Variants in EPB41L1 observed in about 807,000 individuals in gnomAD.
EPB41L1 encodes the protein erythrocyte membrane protein band 4.1 like 1, also known as band 4.1-like protein 1.
In EPB41L1, 29 loss-of-function variants were observed where a neutral mutation model predicts 97.8. The ratio of observed to expected loss-of-function variants is 0.30; its 90% CI spans 0.22 to 0.40. EPB41L1 has a LOEUF of 0.40. EPB41L1 is among the 10% of genes least tolerant of loss of function. EPB41L1 has a pLI of 1.00. For missense variants in EPB41L1, 812 were observed against 1,162.3 expected, an observed-to-expected ratio of 0.70 and a Z score of 4.38; for synonymous variants, 383 against 459.2, an observed-to-expected ratio of 0.83 and a Z score of 2.12.
chr20:36,187,876 CT>C, intron 8 of EPB41L1, 113 bp downstream of exon 8: 1 of 837,932 alleles, frequency 1.2e-6, no homozygotes, highest in African/African-American at 1.7e-5. Context: ...AACTTGAAAC[CT>C]TTTCTGTTCT....
intron 2 of EPB41L1, among the ~76,000 whole-genome samples, chr20:36,132,365 C>T (rs73097436): frequency 0.11 from 16,035 of 151,968 alleles, 1,147 homozygotes; most frequent in Non-Finnish European, 0.16. Flanking sequence ...CCTCTGCCTC[C>T]GTCATCATAT....
At chr20:36,203,680 T>C (rs538223433) in intron 14 of EPB41L1, among the ~76,000 whole-genome samples, 1 of 152,340 alleles carries the variant, frequency 6.6e-6, no homozygotes, top group East Asian at 1.9e-4. Context: ...CACGTCCCTT[T>C]GGGATGGTTC....
Position 36,206,038 on chromosome 20 carries a change from G to A in EPB41L1, c.1669-3450G>A. On this transcript the variant is annotated intron_variant, in intron 14 of 21. Transcript: ENST00000338074. The surrounding 1 kb of genome is among the most constrained non-coding windows in gnomAD (Gnocchi z 5.5). ...AGTGGAAGTGGCCACAGAAGAAATG[G>A]TGGGAAACAGAAGAGCAAACACCCA... 7.8e-7 allele frequency: 1 copy of A among 1,289,890 alleles called. No homozygotes were observed. Among genetic ancestry groups the A allele is most frequent in the African/African-American group, 1.5e-5 (1 of 66,006 alleles). 79.9% of individuals were successfully genotyped at this position (1,289,890 alleles called of 1,614,324 possible).
chr20:36,183,293 ATCT>A (rs1334897299), intron 6 of EPB41L1, among the ~76,000 whole-genome samples: 1 of 152,080 alleles, frequency 6.6e-6, no homozygotes, highest in Non-Finnish European at 1.5e-5. Flanking sequence ...TCCCTCCTTC[ATCT>A]TCATGTTGAT....
chr20:36,198,093 G>T (rs1344690894), intron 14 of EPB41L1, 52 bp downstream of exon 14: 1 of 1,531,070 alleles, frequency 6.5e-7, no homozygotes. Flanking sequence ...AGAGACATTG[G>T]GTTGCTGCAT....
chr20:36,218,979 A>G lies in EPB41L1; in HGVS notation c.2355+17A>G, dbSNP rs1569363298. The G allele has an allele frequency of 3.1e-6, 5 of 1,612,916 alleles. No individual in the cohort carries two copies. The highest frequency in any genetic ancestry group is 3.4e-6 in the Non-Finnish European group (4 of 1,179,254). ...CTTTCTCCGGTAAGTGGGCAAGGCC[A>G]GCTCAGGCTAGGGGACTCCACACTG... On this transcript the variant is annotated intron_variant, in intron 18 of 21. Coordinates refer to ENST00000338074, the MANE Select transcript of EPB41L1 (RefSeq NM_012156.2).
chr20:36,172,271 G>T (rs1374554291), intron 1 of EPB41L1, among the ~76,000 whole-genome samples: 1 of 152,098 alleles, frequency 6.6e-6, no homozygotes, highest in East Asian at 1.9e-4. Context: ...TAGAGACGGG[G>T]TTTCACCATG....
At position 36,207,691 on chromosome 20, in the gene EPB41L1, G is replaced by T; in HGVS notation, c.1669-1797G>T. On this transcript the variant is annotated intron_variant, in intron 14 of 21. Coordinates refer to ENST00000338074, the MANE Select transcript of EPB41L1 (RefSeq NM_012156.2). This position sits in a 1 kb window ranked among gnomAD's most constrained non-coding sequence, Gnocchi z 4.9. The stretch of plus-strand genomic sequence containing the variant: ...CAGACACTTCAGGGAGGACACTTCT[G>T]CATCCTACCAGGAAGCACACACGGA... The T allele has an allele frequency of 7.8e-7, 1 of 1,290,116 alleles. No individual in the cohort carries two copies. The highest frequency in any genetic ancestry group is 1.0e-6 in the Non-Finnish European group (1 of 988,928). 79.9% of individuals were successfully genotyped at this position (1,290,116 alleles called of 1,614,324 possible). A position where few individuals can be genotyped will look rare whatever the true frequency, so the allele number is the denominator to read the frequency against.
intron 2 of EPB41L1, among the ~76,000 whole-genome samples, chr20:36,130,280 A>G (rs1347522694): frequency 6.6e-6 from 1 of 150,788 alleles, no homozygotes; most frequent in African/African-American, 2.5e-5. Context: ...AAACCATAAT[A>G]ACATAGTACC....
Position 36,214,373 on chromosome 20 carries a change from C to T in EPB41L1, c.2201C>T (p.Ala734Val). 6.2e-7 allele frequency: 1 copy of T among 1,613,808 alleles called. No individual in the cohort carries two copies. Among genetic ancestry groups the T allele is most frequent in the Non-Finnish European group, 8.5e-7 (1 of 1,179,918 alleles). Residue 734 changes from alanine to valine, a missense_variant, in exon 17 of 22, where the codon GCC becomes GTC. Coordinates refer to ENST00000338074, the MANE Select transcript of EPB41L1 (RefSeq NM_012156.2). The stretch of plus-strand genomic sequence containing the variant: ...TCTGGTCAGCAGGTTGATGGGAGTG[C>T]CTCAGTGGGGAGGGAGTTCATAGCA... ...MDNTQQVDGS[A>V]SVGREFIATT...
chr20:36,155,510 C>A, intron 1 of EPB41L1: 1 of 442,214 alleles, frequency 2.3e-6, no homozygotes, highest in Middle Eastern at 4.3e-4. Context: ...GGCACCTTCA[C>A]ACTTGGGGAG....
At chr20:36,172,048 G>A (rs184285114) in intron 1 of EPB41L1, among the ~76,000 whole-genome samples, 23 of 152,084 alleles carry the variant, frequency 1.5e-4, no homozygotes, top group African/African-American at 3.6e-4. Flanking sequence ...CAACTTGTAC[G>A]TTTAAAAAAG....
chr20:36,180,305 C>A (rs1341583869), intron 5 of EPB41L1, among the ~76,000 whole-genome samples: 1 of 152,174 alleles, frequency 6.6e-6, no homozygotes, highest in South Asian at 2.1e-4. Flanking sequence ...CCCATTGGTC[C>A]TTGTGGCCTG....
At chr20:36,191,881 GA>G (rs1419442726) in intron 11 of EPB41L1, among the ~76,000 whole-genome samples, 1 of 152,160 alleles carries the variant, frequency 6.6e-6, no homozygotes, top group Non-Finnish European at 1.5e-5. Context: ...AGCACCTTAA[GA>G]AATTGTACCC....
chr20:36,154,868 C>T lies in EPB41L1; in HGVS notation c.-43C>T. On this transcript the variant is annotated 5_prime_UTR_variant, in exon 1 of 22. Coordinates refer to ENST00000338074, the MANE Select transcript of EPB41L1 (RefSeq NM_012156.2). The surrounding 1 kb of genome is among the most constrained non-coding windows in gnomAD (Gnocchi z 5.5). Reference sequence around the variant, plus strand: ...CCGAGGGGGCCGCCCCTCGCCCAACCTGCCCGACATGGGGAACCCCGGGCC... The same window carrying T: ...CCGAGGGGGCCGCCCCTCGCCCAACTTGCCCGACATGGGGAACCCCGGGCC... 9.8e-7 allele frequency: 1 copy of T among 1,018,108 alleles called. No individual in the cohort carries two copies. Among genetic ancestry groups the T allele is most frequent in the Non-Finnish European group, 1.2e-6 (1 of 849,778 alleles). The allele number at this position is 1,018,108 out of a possible 1,614,324, so 63.1% of individuals were successfully genotyped here.
chr20:36,111,197 G>A (rs895907861), intron 1 of EPB41L1, among the ~76,000 whole-genome samples: 2 of 152,182 alleles, frequency 1.3e-5, no homozygotes, highest in Non-Finnish European at 2.9e-5. Flanking sequence ...AGTAGTAAGT[G>A]TTAGAACCAG....
chr20:36,153,583 A>C (rs1032730949), upstream of EPB41L1, among the ~76,000 whole-genome samples: 2 of 152,202 alleles, frequency 1.3e-5, no homozygotes, highest in African/African-American at 4.8e-5. Flanking sequence ...ACCCATGGAC[A>C]GAAATCTTTG....
At position 36,195,212 on chromosome 20, in the gene EPB41L1, A is replaced by G. The variant is rs987941520; in HGVS notation, c.1450-117A>G. 3.9e-6 allele frequency: 5 copies of G among 1,277,034 alleles called. No individual in the cohort carries two copies. In the African/African-American group the frequency reaches 5.9e-5, roughly 15 times the overall value. The allele number at this position is 1,277,034 out of a possible 1,614,324, so 79.1% of individuals were successfully genotyped here. ...GGCCCACCCAGCTGCCCTGGCCTCC[A>G]CTTGGTCGAGTGTGCGTGCTCTGGG... On this transcript the variant is annotated intron_variant, in intron 12 of 21. Coordinates refer to ENST00000338074, the MANE Select transcript of EPB41L1 (RefSeq NM_012156.2). This position sits in a 1 kb window ranked among gnomAD's most constrained non-coding sequence, Gnocchi z 4.6.
chr20:36,136,096 T>A (rs1278313348), intron 2 of EPB41L1, among the ~76,000 whole-genome samples: 1 of 152,166 alleles, frequency 6.6e-6, no homozygotes, highest in Non-Finnish European at 1.5e-5. Flanking sequence ...TACTTTCTTG[T>A]TTGGTTTTCT....
Sources: allele counts gnomAD v4.1 joint callset (sites outside exome capture counted in the v4.1 genomes callset), GRCh38; gene constraint gnomAD v4.1.1; non-coding constraint Gnocchi (gnomAD v3.1); transcripts MANE v1.5; gene names NCBI Gene and HGNC (gene_info 2026-07-23, HGNC 2026-07-21).